The following BMP2K variants were observed in gnomAD, a reference collection of about 807,000 sequenced individuals.
BMP2K encodes BMP-2-inducible protein kinase.
Under a neutral mutation model 116.0 loss-of-function variants are expected in BMP2K, and 74 were observed. That is an observed-to-expected ratio of 0.64 (90% CI 0.53 to 0.77). The LOEUF (loss-of-function observed/expected upper bound fraction) is 0.77. BMP2K is among the 30% of genes least tolerant of loss of function. BMP2K has a pLI of 0.00. For missense variants in BMP2K, 1,365 were observed against 1,403.6 expected (o/e 0.97, Z 0.44); for synonymous variants, 486 against 502.5 (o/e 0.97, Z 0.44).
chr4:78,834,741 A>AGAGG (rs1730385549), intron 3 of BMP2K, among the ~76,000 whole-genome samples: 1 of 152,166 alleles, frequency 6.6e-6, no homozygotes, highest in Non-Finnish European at 1.5e-5. Context: ...TTGCGGAAAA[A>AGAGG]GAGGGGGATG....
chr4:78,791,147 A>G lies in BMP2K; in HGVS notation c.178+14426A>G, dbSNP rs1727977011. ...GTTTAATTTCAAAAGACAAAACACA[A>G]ATAAAACTTTTGTGATCTTTCCTAC... On this transcript the variant is annotated intron_variant, in intron 1 of 15. Transcript: ENST00000502613. Among the ~76,000 whole-genome samples the G allele has an allele frequency of 2.6e-5, 4 of 152,254 alleles. 1 individual carries two copies. In the South Asian group the frequency reaches 8.3e-4, roughly 32 times the overall value.
chr4:78,851,396 G>A (rs1190051992), intron 7 of BMP2K, among the ~76,000 whole-genome samples: 1 of 151,824 alleles, frequency 6.6e-6, no homozygotes, highest in African/African-American at 2.4e-5. Context: ...TTCCATTTTG[G>A]TAGGTACTGT....
chr4:78,780,915 G>A (rs143012469), intron 1 of BMP2K, among the ~76,000 whole-genome samples: 1 of 152,312 alleles, frequency 6.6e-6, no homozygotes, highest in African/African-American at 2.4e-5. Flanking sequence ...GTCAAGGAAG[G>A]CCTTTTTGAT....
chr4:78,834,415 C>T (rs1347443608), intron 3 of BMP2K, among the ~76,000 whole-genome samples: 5 of 152,080 alleles, frequency 3.3e-5, no homozygotes, highest in South Asian at 2.1e-4. Flanking sequence ...GTGCCCGCCA[C>T]GACGCTCGGC....
At chr4:78,890,763 A>G (rs1733391041) in intron 15 of BMP2K, among the ~76,000 whole-genome samples, 2 of 152,282 alleles carry the variant, frequency 1.3e-5, no homozygotes, top group South Asian at 4.1e-4. Flanking sequence ...TGGAGCTGTC[A>G]CACTTATAAT....
intron 1 of BMP2K, among the ~76,000 whole-genome samples, chr4:78,804,273 A>T (rs937485703): frequency 2.0e-5 from 3 of 152,170 alleles, no homozygotes; most frequent in Non-Finnish European, 1.5e-5. Context: ...AGTTTCATTC[A>T]TGTTTTAACA....
rs143594573 is a variant in BMP2K at position 78,865,713 on chromosome 4, A to T, written c.1224A>T (p.Arg408Ser). The T allele has an allele frequency of 1.1e-5, 18 of 1,613,850 alleles. No individual in the cohort carries two copies. In the Admixed American group the frequency reaches 1.7e-4, roughly 15 times the overall value. Reference sequence around the variant, plus strand: ...CTCCTGGTGAATTCGGTAACCATAGACCAAAAGGTAATAGAGCCCCGCCAA... The same window carrying T: ...CTCCTGGTGAATTCGGTAACCATAGTCCAAAAGGTAATAGAGCCCCGCCAA... ...VLAPGEFGNHRPKGALRPGNG... is the reference protein window; with the variant it reads ...VLAPGEFGNHSPKGALRPGNG... Residue 408 changes from arginine to serine, a missense_variant, in exon 10 of 16, where the codon AGA becomes AGT. By Grantham distance (110) the Arg-to-Ser change is moderately radical (BLOSUM62 -1). Around this residue, in one of 3 missense-constraint regions of BMP2K, gnomAD observed 762 missense variants for 756.7 expected, o/e 1.01. Transcript: ENST00000502613.
intron 2 of BMP2K, among the ~76,000 whole-genome samples, chr4:78,829,781 T>G (rs1321984411): frequency 1.9e-5 from 2 of 107,814 alleles, no homozygotes; most frequent in Non-Finnish European, 3.6e-5. Context: ...TTTTCTTTTC[T>G]TTTCTTTTCT....
At position 78,870,794 on chromosome 4, in the gene BMP2K, C is replaced by A; in HGVS notation, c.1243C>A (p.Pro415Thr). The change falls in exon 11 of 16, where the codon CCT (proline) becomes ACT (threonine). Residue 415 changes from proline (P) to threonine (T), a missense_variant. Transcript: ENST00000502613. ...GGACCTGTCTTTAGGGGCACTAAGA[C>A]CTGGAAATGGCCCTGAAATTTTATT... ...GNHRPKGALR[P>T]GNGPEILLGQ... 1.2e-6 allele frequency: 2 copies of A among 1,613,622 alleles called. No homozygotes were observed. The highest frequency in any genetic ancestry group is 1.3e-5 in the African/African-American group (1 of 74,996).
At chr4:78,845,371 G>A (rs1430839673) in intron 5 of BMP2K, among the ~76,000 whole-genome samples, 1 of 151,470 alleles carries the variant, frequency 6.6e-6, no homozygotes, top group East Asian at 1.9e-4. Context: ...CTGATACTGA[G>A]GATTTGTCCT....
At chr4:78,816,486 T>C (rs777493395) in intron 1 of BMP2K, among the ~76,000 whole-genome samples, 7 of 152,178 alleles carry the variant, frequency 4.6e-5, no homozygotes, top group African/African-American at 1.2e-4. Flanking sequence ...TCACTAACAG[T>C]GTCTTGTCAT....
intron 1 of BMP2K, among the ~76,000 whole-genome samples, chr4:78,785,220 C>T (rs922265518): frequency 6.6e-6 from 1 of 152,144 alleles, no homozygotes; most frequent in Non-Finnish European, 1.5e-5. Context: ...AAGTGATTCT[C>T]CTGCCTCAGC....
intron 7 of BMP2K, among the ~76,000 whole-genome samples, chr4:78,857,122 CAT>C (rs1731543358): frequency 6.6e-6 from 1 of 152,106 alleles, no homozygotes; most frequent in Non-Finnish European, 1.5e-5. Context: ...AGAATACACA[CAT>C]GTAAACTGAA....
At position 78,913,935 on chromosome 4, in the gene BMP2K, A is replaced by G. The variant is rs949331533; in HGVS notation, c.*1902A>G. 1 of 151,680 alleles carries G rather than the reference A, an allele frequency of 6.6e-6. No individual in the cohort carries two copies. Among genetic ancestry groups the G allele is most frequent in the Non-Finnish European group, 1.5e-5 (1 of 67,878 alleles). 9.4% of individuals were successfully genotyped at this position (151,680 alleles called of 1,614,324 possible). On this transcript the variant is annotated 3_prime_UTR_variant, in exon 16 of 16. Coordinates refer to ENST00000502613, the MANE Select transcript of BMP2K (RefSeq NM_198892.2). ...TTTTCTGATTCTCAGGTTGATTAAT[A>G]CTGCTAATGCAAATGCTCAAGTAGA...
chr4:78,859,710 T>A, intron 8 of BMP2K, 23 bp downstream of exon 8: 1 of 1,459,946 alleles, frequency 6.8e-7, no homozygotes. Flanking sequence ...TCAAGTAGGA[T>A]ATGAATTTAA....
At chr4:78,810,803 C>A (rs1257018181) in intron 1 of BMP2K, among the ~76,000 whole-genome samples, 1 of 147,926 alleles carries the variant, frequency 6.8e-6, no homozygotes, top group Non-Finnish European at 1.5e-5. Flanking sequence ...TACTGAGATT[C>A]ATCCAATATT....
rs944944326 is a variant in BMP2K, at chr4:78,913,292, A to T, written c.*1259A>T. The T allele has an allele frequency of 5.3e-5, 8 of 152,146 alleles. No individual in the cohort carries two copies. The highest frequency in any genetic ancestry group is 6.5e-5 in the Admixed American group (1 of 15,270). The allele number at this position is 152,146 out of a possible 1,614,324, so 9.4% of individuals were successfully genotyped here. On this transcript the variant is annotated 3_prime_UTR_variant, in exon 16 of 16. Transcript: ENST00000502613. ...GGTGGACTAGCATCTTAATTCTGCT[A>T]GTTGATTGTGTCTTTACTGAAAAGA...
intron 10 of BMP2K, 31 bp from the exon 11 acceptor site, chr4:78,870,752 T>C (rs1258713314): frequency 6.3e-7 from 1 of 1,579,534 alleles, no homozygotes; most frequent in African/African-American, 1.4e-5. Context: ...ATCATTAGTA[T>C]GTTAATGTAA....
At chr4:78,789,932 G>A (rs547430451) in intron 1 of BMP2K, among the ~76,000 whole-genome samples, 1 of 152,306 alleles carries the variant, frequency 6.6e-6, no homozygotes, top group Admixed American at 6.5e-5. Flanking sequence ...ATGGCGCGTG[G>A]AGTCTGAAGT....
Sources: allele counts gnomAD v4.1 joint callset (sites outside exome capture counted in the v4.1 genomes callset), GRCh38; gene constraint gnomAD v4.1.1; regional missense constraint gnomAD v4.1.1; transcripts MANE v1.5; gene names NCBI Gene and HGNC (gene_info 2026-07-23, HGNC 2026-07-21).